ZNF771: variants seen among roughly 807,000 people sequenced by gnomAD.
The protein encoded by ZNF771 is zinc finger protein 771.
Under a neutral mutation model 27.6 loss-of-function variants are expected in ZNF771, and 10 were observed. That is an observed-to-expected ratio of 0.36 (90% CI 0.22 to 0.61). ZNF771 has a LOEUF of 0.61. Among genes scored for constraint, ZNF771 ranks in the 20% least tolerant of loss-of-function variants. ZNF771 has a pLI of 0.70. For missense variants in ZNF771, 438 were observed against 503.7 expected (o/e 0.87, Z 1.25); for synonymous variants, 261 against 225.2 (o/e 1.16, Z -1.43).
At chr16:30,407,883 G>A in intron 1 of ZNF771, 162 bp from the exon 2 acceptor site, 1 of 565,688 alleles carries the variant, frequency 1.8e-6, no homozygotes, top group Non-Finnish European at 3.1e-6. Context: ...GTGCCAGAGC[G>A]TGGGGCCGGG....
intron 2 of ZNF771, chr16:30,414,142 G>C (rs1567441177): frequency 6.6e-6 from 1 of 151,972 alleles, no homozygotes; most frequent in Non-Finnish European, 1.5e-5. Flanking sequence ...ATGTAGATCT[G>C]ATGAGACAAG....
At position 30,417,932 on chromosome 16, in the gene ZNF771, G is replaced by A; in HGVS notation, c.519G>A (p.Lys173=). 1 of 1,517,576 alleles carries A rather than the reference G, an allele frequency of 6.6e-7. No individual in the cohort carries two copies. The highest frequency in any genetic ancestry group is 8.8e-7 in the Non-Finnish European group (1 of 1,142,520). 94.0% of individuals were successfully genotyped at this position (1,517,576 alleles called of 1,614,324 possible). Residue 173 remains lysine (K), a synonymous_variant, in exon 3 of 3, where the codon AAG becomes AAA. Transcript: ENST00000319296. ...AQHLRVHTGE[K]PYACPDCGRA... is the part of the protein sequence containing the mutation. ...ACCTGCGCGTGCACACGGGCGAGAAGCCGTACGCGTGCCCGGACTGCGGAC... is the reference window on the plus strand; with the variant it reads ...ACCTGCGCGTGCACACGGGCGAGAAACCGTACGCGTGCCCGGACTGCGGAC...
chr16:30,416,940 A>G (rs926912000), intron 2 of ZNF771, among the ~76,000 whole-genome samples: 2 of 151,636 alleles, frequency 1.3e-5, no homozygotes, highest in African/African-American at 4.8e-5. Flanking sequence ...AAAAAAAAAA[A>G]AAGCCAAATA....
At chr16:30,414,106 G>A (rs1483197518) in intron 2 of ZNF771, 1 of 152,134 alleles carries the variant, frequency 6.6e-6, no homozygotes, top group Non-Finnish European at 1.5e-5. Flanking sequence ...CTGAAAGAGG[G>A]TGCCAAGGAA....
intron 2 of ZNF771, among the ~76,000 whole-genome samples, chr16:30,415,139 G>A (rs538870634): frequency 2.0e-5 from 3 of 151,174 alleles, no homozygotes; most frequent in Admixed American, 2.0e-4. Flanking sequence ...TGTATTTTTA[G>A]TAGAGACAGG....
chr16:30,409,174 C>T (rs1658486870), intron 2 of ZNF771, among the ~76,000 whole-genome samples: 2 of 151,176 alleles, frequency 1.3e-5, no homozygotes, highest in South Asian at 2.1e-4. Context: ...TGGGGTTTTG[C>T]CATGTTGGCC....
In ZNF771 at chr16:30,418,557, C is replaced by T; in HGVS notation, c.*190C>T. 1 of 518,092 alleles carries T rather than the reference C, an allele frequency of 1.9e-6. No homozygotes were observed. The highest frequency in any genetic ancestry group is 3.5e-5 in the East Asian group (1 of 28,510). 32.1% of individuals were successfully genotyped at this position (518,092 alleles called of 1,614,324 possible). A position where few individuals can be genotyped will look rare whatever the true frequency, so the allele number is the denominator to read the frequency against. On this transcript the variant is annotated 3_prime_UTR_variant, in exon 3 of 3. Coordinates refer to ENST00000319296, the MANE Select transcript of ZNF771 (RefSeq NM_001142305.2). ...AGTGCCCACCCCACATCACTACATT[C>T]CCTCGGCCCGTGTTAGTGAATAAAG...
chr16:30,410,919 C>A (rs1008956421), intron 2 of ZNF771, among the ~76,000 whole-genome samples: 1 of 150,116 alleles, frequency 6.7e-6, no homozygotes, highest in African/African-American at 2.5e-5. Context: ...TGCCTGTAGT[C>A]CTAGCTACTC....
chr16:30,413,159 A>T (rs2050114053), intron 2 of ZNF771, among the ~76,000 whole-genome samples: 1 of 152,158 alleles, frequency 6.6e-6, no homozygotes, highest in Non-Finnish European at 1.5e-5. Flanking sequence ...AAAATCACTA[A>T]CTTCTAATAC....
At chr16:30,409,774 T>C (rs1255259313) in intron 2 of ZNF771, among the ~76,000 whole-genome samples, 4 of 152,196 alleles carry the variant, frequency 2.6e-5, no homozygotes, top group African/African-American at 9.7e-5. Context: ...CTGCCTCTTC[T>C]GGCCCTGCGA....
chr16:30,416,122 G>T (rs532543217), intron 2 of ZNF771, among the ~76,000 whole-genome samples: 7 of 152,250 alleles, frequency 4.6e-5, no homozygotes, highest in African/African-American at 1.7e-4. Flanking sequence ...ATTCAAAGCT[G>T]ATTAAGAGCC....
Position 30,417,535 on chromosome 16 carries a change from C to A in ZNF771, c.142-20C>A. 8.2e-7 allele frequency: 1 copy of A among 1,214,260 alleles called. No individual in the cohort carries two copies. The highest frequency in any genetic ancestry group is 1.0e-6 in the Non-Finnish European group (1 of 977,544). 75.2% of individuals were successfully genotyped at this position (1,214,260 alleles called of 1,614,324 possible). ...CCGGGGCCTGCCGCTAAGGGCTGAC[C>A]TATCCCCCTCTCCCCGCAGGTCCCG... On this transcript the variant is annotated intron_variant, in intron 2 of 2. Transcript: ENST00000319296.
At chr16:30,414,256 T>A (rs1252285332) in intron 2 of ZNF771, 1 of 152,222 alleles carries the variant, frequency 6.6e-6, no homozygotes, top group Non-Finnish European at 1.5e-5. Context: ...AAACATACTG[T>A]GGGGAGTTTC....
intron 2 of ZNF771, chr16:30,414,437 T>G (rs971936366): frequency 6.6e-6 from 1 of 152,148 alleles, no homozygotes; most frequent in Non-Finnish European, 1.5e-5. Context: ...CCACTGGCCA[T>G]GTGAATTTCA....
intron 2 of ZNF771, among the ~76,000 whole-genome samples, chr16:30,409,441 G>A (rs945651320): frequency 3.2e-4 from 48 of 152,090 alleles, no homozygotes; most frequent in Admixed American, 3.1e-3. Context: ...ATCAGAATAT[G>A]AGTTAAATTT....
intron 2 of ZNF771, chr16:30,414,359 G>C (rs772159611): frequency 1.3e-5 from 2 of 152,092 alleles, no homozygotes; most frequent in African/African-American, 4.8e-5. Flanking sequence ...TCTTGGTCAC[G>C]TGAGTTCAGA....
chr16:30,410,352 C>T (rs574464151), intron 2 of ZNF771, among the ~76,000 whole-genome samples: 4 of 152,226 alleles, frequency 2.6e-5, no homozygotes, highest in African/African-American at 7.2e-5. Context: ...CCGCCCGCCT[C>T]GGCCTCCCAA....
chr16:30,417,435 T>C, intron 2 of ZNF771, 120 bp from the exon 3 acceptor site: 2 of 587,482 alleles, frequency 3.4e-6, no homozygotes, highest in Non-Finnish European at 4.8e-6. Flanking sequence ...GGCAGCACCG[T>C]GGCCTTTCCT....
At position 30,417,962 on chromosome 16, in the gene ZNF771, CT is replaced by C. The variant is rs1242834337; in HGVS notation, c.552del (p.Phe184LeufsTer87). 1 of 1,501,856 alleles carries C rather than the reference CT, an allele frequency of 6.7e-7. No individual in the cohort carries two copies. The highest frequency in any genetic ancestry group is 8.8e-7 in the Non-Finnish European group (1 of 1,134,690). 93.0% of individuals were successfully genotyped at this position (1,501,856 alleles called of 1,614,324 possible). On this transcript the variant is annotated frameshift_variant, in exon 3 of 3. Coordinates refer to ENST00000319296, the MANE Select transcript of ZNF771 (RefSeq NM_001142305.2). LOFTEE classifies it high-confidence loss of function. The stretch of plus-strand genomic sequence containing the variant: ...ACGCGTGCCCGGACTGCGGACGCGC[CT>C]TTGGCGGCAGCTCGTGCCTGGCGCG... ...PYACPDCGRA[F>X]GGSSCLARHR...
Sources: allele counts gnomAD v4.1 joint callset (sites outside exome capture counted in the v4.1 genomes callset), GRCh38; gene constraint gnomAD v4.1.1; transcripts MANE v1.5; gene names NCBI Gene and HGNC (gene_info 2026-07-23, HGNC 2026-07-21).